Variants in HLCS observed in about 807,000 individuals in gnomAD.
The protein encoded by HLCS is holocarboxylase synthetase.
A neutral mutation model predicts 75.0 loss-of-function variants in HLCS; 53 were observed. The observed-to-expected ratio is 0.71, with a 90% confidence interval of 0.57 to 0.89. HLCS has a LOEUF of 0.89. Ranked by LOEUF, HLCS falls within the 40% of genes least tolerant of loss-of-function variation. HLCS has a pLI of 0.00. For missense variants in HLCS, 966 were observed against 1,074.0 expected (o/e 0.90, Z 1.41); for synonymous variants, 431 against 428.6 (o/e 1.01, Z -0.07).
intron 4 of HLCS, among the ~76,000 whole-genome samples, chr21:36,933,551 C>CAAAAAA (rs66614497): frequency 1.2e-5 from 1 of 84,070 alleles, no homozygotes; most frequent in Non-Finnish European, 2.3e-5. Context: ...AACTCCGTCT[C>CAAAAAA]AAAAAAAAAA....
At chr21:36,786,529 G>A (rs2060691551) in intron 6 of HLCS, among the ~76,000 whole-genome samples, 1 of 152,200 alleles carries the variant, frequency 6.6e-6, no homozygotes, top group Non-Finnish European at 1.5e-5. Context: ...GGGAATATCA[G>A]AGGAAGGGGT....
intron 2 of HLCS, among the ~76,000 whole-genome samples, chr21:36,954,432 G>A (rs371953594): frequency 5.3e-5 from 8 of 151,540 alleles, no homozygotes; most frequent in African/African-American, 1.9e-4. Flanking sequence ...GGCTAACATG[G>A]TGAAACCCTG....
chr21:36,794,744 GAGATGTGTTC>G (rs991345677), intron 6 of HLCS, among the ~76,000 whole-genome samples: 5 of 152,162 alleles, frequency 3.3e-5, no homozygotes, highest in African/African-American at 1.2e-4. Flanking sequence ...AAGGAAGAAA[GAGATGTGTTC>G]TGCACATTTT....
intron 2 of HLCS, among the ~76,000 whole-genome samples, chr21:36,939,612 C>T (rs901817293): frequency 1.3e-5 from 2 of 152,182 alleles, no homozygotes; most frequent in African/African-American, 2.4e-5. Flanking sequence ...AGGAGGTTCA[C>T]GTTCCTACCA....
At chr21:36,906,070 C>A (rs59667955) in intron 5 of HLCS, among the ~76,000 whole-genome samples, 24,709 of 126,844 alleles carry the variant, frequency 0.19, 2,889 homozygotes, top group Middle Eastern at 0.29. Flanking sequence ...AAAAACAAAA[C>A]AAAAATTGGG....
intron 4 of HLCS, among the ~76,000 whole-genome samples, chr21:36,935,153 C>T (rs2066821283): frequency 6.6e-6 from 1 of 152,064 alleles, no homozygotes; most frequent in Non-Finnish European, 1.5e-5. Flanking sequence ...TCTAGGAAGT[C>T]GGGTTTTTAA....
intron 2 of HLCS, among the ~76,000 whole-genome samples, chr21:36,940,125 T>C (rs1163005562): frequency 1.3e-5 from 2 of 152,142 alleles, no homozygotes; most frequent in South Asian, 2.1e-4. Flanking sequence ...ATGCCCCCAG[T>C]AAAAAGCTTA....
intron 6 of HLCS, among the ~76,000 whole-genome samples, chr21:36,827,308 C>A (rs534915911): frequency 1.3e-5 from 2 of 152,288 alleles, no homozygotes; most frequent in Non-Finnish European, 2.9e-5. Context: ...GTGGCTCACA[C>A]TTGTAATCCC....
At chr21:36,882,598 G>A (rs1035565342) in intron 6 of HLCS, among the ~76,000 whole-genome samples, 34 of 149,338 alleles carry the variant, frequency 2.3e-4, no homozygotes, top group African/African-American at 1.2e-4. Flanking sequence ...GTGTCACCAC[G>A]CCTGGCTAAT....
At chr21:36,965,924 T>TTTTTTTG (rs1555973689) in intron 1 of HLCS, among the ~76,000 whole-genome samples, 4 of 150,142 alleles carry the variant, frequency 2.7e-5, no homozygotes, top group African/African-American at 9.8e-5. Context: ...CTAAGTGTTT[T>TTTTTTTG]TTTTGTTTTG....
upstream of HLCS, among the ~76,000 whole-genome samples, chr21:36,971,213 C>T (rs2068781531): frequency 6.6e-6 from 1 of 152,138 alleles, no homozygotes; most frequent in Non-Finnish European, 1.5e-5. Context: ...GAACTCATGT[C>T]TTTAAGAGGA....
At position 36,750,930 on chromosome 21, in the gene HLCS, T is replaced by C. The variant is rs1024362002; in HGVS notation, c.*3316A>G. On this transcript the variant is annotated 3_prime_UTR_variant, in exon 11 of 11. Transcript: ENST00000674895. ...TATTTCTCACCTCCATTAAAAGGGTTTTTGCTTTGGAGTTTTGTTAACTTT... is the reference window on the plus strand; with the variant it reads ...TATTTCTCACCTCCATTAAAAGGGTCTTTGCTTTGGAGTTTTGTTAACTTT... 37 of 152,160 alleles carry C rather than the reference T, an allele frequency of 2.4e-4. No individual in the cohort carries two copies. The highest frequency in any genetic ancestry group is 8.2e-4 in the African/African-American group (34 of 41,486). The allele number at this position is 152,160 out of a possible 1,614,324, so 9.4% of individuals were successfully genotyped here.
intron 1 of HLCS, among the ~76,000 whole-genome samples, chr21:36,963,643 T>A (rs1294542475): frequency 6.6e-6 from 1 of 151,910 alleles, no homozygotes; most frequent in African/African-American, 2.4e-5. Flanking sequence ...TCCCAGCTAC[T>A]CGGGAGGCTA....
chr21:36,922,093 G>T (rs1282323062), intron 5 of HLCS, among the ~76,000 whole-genome samples: 1 of 152,066 alleles, frequency 6.6e-6, no homozygotes, highest in South Asian at 2.1e-4. Context: ...TCGATTAAAA[G>T]ACTCTGTTTT....
chr21:36,974,007 T>TAAACAAAC (rs79398443), intron 1 of HLCS: 61,840 of 151,574 alleles, frequency 0.41, 13,312 homozygotes, highest in South Asian at 0.53. Flanking sequence ...AATAAATAAA[T>TAAACAAAC]AAACAAACGG....
At chr21:36,887,874 C>T (rs1158092648) in intron 6 of HLCS, among the ~76,000 whole-genome samples, 1 of 152,172 alleles carries the variant, frequency 6.6e-6, no homozygotes. Flanking sequence ...ATTAAGAGTA[C>T]ACCAATAACA....
Position 36,867,663 on chromosome 21 carries a change from G to A in HLCS, c.1892+29197C>T, listed in dbSNP as rs118010837. Among the ~76,000 whole-genome samples the A allele has an allele frequency of 2.6e-4, 39 of 152,314 alleles. No homozygotes were observed. In the East Asian group the frequency reaches 7.5e-3, roughly 29 times the overall value. On this transcript the variant is annotated intron_variant, in intron 6 of 10. Transcript: ENST00000674895. ...AAAGTCACATGTTAAAGACGGCAGAGCCCCTGTCAGCCTGGGTCTCTGAAT... is the reference window on the plus strand; with the variant it reads ...AAAGTCACATGTTAAAGACGGCAGAACCCCTGTCAGCCTGGGTCTCTGAAT...
At chr21:36,873,983 C>T (rs1029941209) in intron 6 of HLCS, among the ~76,000 whole-genome samples, 1 of 152,104 alleles carries the variant, frequency 6.6e-6, no homozygotes, top group Non-Finnish European at 1.5e-5. Context: ...TCTTCTTAGT[C>T]GCAAGTCATG....
chr21:36,975,831 A>T (rs1277900590), intron 1 of HLCS, among the ~76,000 whole-genome samples: 1 of 152,186 alleles, frequency 6.6e-6, no homozygotes, highest in African/African-American at 2.4e-5. Flanking sequence ...CCTCATTGGC[A>T]GCCATTCACT....
Sources: allele counts gnomAD v4.1 joint callset (sites outside exome capture counted in the v4.1 genomes callset), GRCh38; gene constraint gnomAD v4.1.1; transcripts MANE v1.5; gene names NCBI Gene and HGNC (gene_info 2026-07-23, HGNC 2026-07-21).